Variants in AP3B1 observed in about 807,000 individuals in gnomAD.
The protein encoded by AP3B1 is adaptor related protein complex 3 subunit beta 1, also known as AP-3 complex subunit beta-1.
A neutral mutation model predicts 132.5 loss-of-function variants in AP3B1; 61 were observed. That is an observed-to-expected ratio of 0.46 (90% CI 0.37 to 0.57). AP3B1 has a LOEUF of 0.57. AP3B1 is among the 20% of genes least tolerant of loss of function. The pLI is 0.00. For missense variants in AP3B1, 1,120 were observed against 1,289.4 expected, an observed-to-expected ratio of 0.87 and a Z score of 2.01; for synonymous variants, 388 against 438.3, an observed-to-expected ratio of 0.89 and a Z score of 1.43.
intron 26 of AP3B1, among the ~76,000 whole-genome samples, chr5:78,006,374 C>T (rs999049865): frequency 6.6e-6 from 1 of 152,162 alleles, no homozygotes; most frequent in African/African-American, 2.4e-5. Context: ...ACCTAATATA[C>T]ACATAATCTA....
At chr5:78,063,175 A>G (rs1749132268) in intron 22 of AP3B1, among the ~76,000 whole-genome samples, 1 of 152,202 alleles carries the variant, frequency 6.6e-6, no homozygotes, top group African/African-American at 2.4e-5. Context: ...GTTTCCCACA[A>G]TGTATACATA....
chr5:78,062,628 A>C (rs550575183), intron 22 of AP3B1, among the ~76,000 whole-genome samples: 4 of 152,364 alleles, frequency 2.6e-5, no homozygotes, highest in Admixed American at 6.5e-5. Flanking sequence ...TAAAAATTTC[A>C]CTAGGCAACA....
intron 22 of AP3B1, among the ~76,000 whole-genome samples, chr5:78,079,940 C>A (rs1749919676): frequency 6.6e-6 from 1 of 152,184 alleles, no homozygotes; most frequent in African/African-American, 2.4e-5. Context: ...TGTATGCATC[C>A]ATCAATTAAA....
chr5:78,092,498 G>A (rs151204524), intron 21 of AP3B1, among the ~76,000 whole-genome samples: 55 of 152,252 alleles, frequency 3.6e-4, no homozygotes, highest in African/African-American at 1.3e-3. Context: ...TAAAAAAAAT[G>A]TCATAGTATA....
intron 7 of AP3B1, among the ~76,000 whole-genome samples, chr5:78,209,807 T>C (rs1745659518): frequency 6.6e-6 from 1 of 152,222 alleles, no homozygotes; most frequent in Admixed American, 6.5e-5. Context: ...TCATAAGCCT[T>C]GTAGTACTAT....
rs570240439 is a variant in AP3B1 at position 78,202,134 on chromosome 5, T to C, written c.786+13921A>G. Among the ~76,000 whole-genome samples the C allele has an allele frequency of 1.5e-4, 23 of 152,350 alleles. No individual in the cohort carries two copies. The South Asian group carries it at 2.5e-3, about 16-fold the overall frequency. ...ATGGTTCTAAAAAGGGGAGTTTCCCTGCACAAGCTCTCTCTTCTCTTGTCT... is the reference window on the plus strand; with the variant it reads ...ATGGTTCTAAAAAGGGGAGTTTCCCCGCACAAGCTCTCTCTTCTCTTGTCT... On this transcript the variant is annotated intron_variant, in intron 7 of 26. Transcript: ENST00000255194.
chr5:78,180,905 A>G (rs1744337857), intron 8 of AP3B1, among the ~76,000 whole-genome samples: 1 of 151,958 alleles, frequency 6.6e-6, no homozygotes, highest in African/African-American at 2.4e-5. Flanking sequence ...CTTCTAAAAT[A>G]TAAATGGTTA....
At chr5:78,121,079 G>A (rs956001059) in intron 17 of AP3B1, among the ~76,000 whole-genome samples, 13 of 152,234 alleles carry the variant, frequency 8.5e-5, no homozygotes, top group Admixed American at 2.0e-4. Flanking sequence ...TGAACAACCT[G>A]CTCCTGAATG....
intron 2 of AP3B1, among the ~76,000 whole-genome samples, chr5:78,265,541 G>T (rs1748287664): frequency 6.6e-6 from 1 of 152,172 alleles, no homozygotes. Context: ...TACTGAGGAA[G>T]AATCTTTCGT....
At chr5:78,167,658 CAT>C (rs1196280874) in intron 11 of AP3B1, among the ~76,000 whole-genome samples, 11 of 151,814 alleles carry the variant, frequency 7.2e-5, no homozygotes, top group South Asian at 2.1e-4. Flanking sequence ...CACACACACA[CAT>C]ACACACCATG....
chr5:78,265,362 G>A (rs572481274), intron 2 of AP3B1, among the ~76,000 whole-genome samples: 2 of 152,200 alleles, frequency 1.3e-5, no homozygotes, highest in African/African-American at 2.4e-5. Context: ...AGGATCGCTT[G>A]GGCTCAGGAG....
At chr5:78,020,505 T>G (rs563080558) in intron 25 of AP3B1, among the ~76,000 whole-genome samples, 187 bp downstream of exon 25, 1 of 152,238 alleles carries the variant, frequency 6.6e-6, no homozygotes, top group South Asian at 2.1e-4. Flanking sequence ...TTTTCAAGTA[T>G]GCCAGGAATA....
intron 22 of AP3B1, among the ~76,000 whole-genome samples, chr5:78,048,511 T>C (rs996869934): frequency 1.3e-5 from 2 of 152,294 alleles, no homozygotes; most frequent in African/African-American, 2.4e-5. Context: ...GTTCCTTTCC[T>C]AGGATTTTTG....
chr5:78,071,643 T>C (rs560971642), intron 22 of AP3B1, among the ~76,000 whole-genome samples: 2 of 152,344 alleles, frequency 1.3e-5, no homozygotes, highest in South Asian at 4.1e-4. Context: ...GGTTCTATAC[T>C]GATGACTCTG....
chr5:78,274,805 A>G (rs1748701753), intron 1 of AP3B1, among the ~76,000 whole-genome samples: 1 of 152,134 alleles, frequency 6.6e-6, no homozygotes, highest in Non-Finnish European at 1.5e-5. Flanking sequence ...GTGCACCTAT[A>G]ATCCTAGCTA....
intron 3 of AP3B1, among the ~76,000 whole-genome samples, chr5:78,237,699 G>A (rs1193540322): frequency 6.6e-6 from 1 of 152,112 alleles, no homozygotes; most frequent in Admixed American, 6.6e-5. Flanking sequence ...TGTAATCCCA[G>A]CTGCTCGGGA....
chr5:78,277,925 T>A (rs1052378676), intron 1 of AP3B1, among the ~76,000 whole-genome samples: 1 of 142,000 alleles, frequency 7.0e-6, no homozygotes, highest in African/African-American at 2.5e-5. Context: ...TCACAGGACA[T>A]CTTCATATTT....
rs571342078 is a variant in AP3B1, at chr5:78,050,627, TA to T, written c.2578-11354del. The stretch of plus-strand genomic sequence containing the variant: ...TGAACAAATAAAGAAGTACATTTCT[TA>T]AATGCACAAAGAACAGCTTATTGAG... On this transcript the variant is annotated intron_variant, in intron 22 of 26. Coordinates refer to ENST00000255194, the MANE Select transcript of AP3B1 (RefSeq NM_003664.5). 2.6e-5 allele frequency among the ~76,000 whole-genome samples: 4 copies of T among 152,322 alleles called. No homozygotes were observed. In the East Asian group the frequency reaches 7.7e-4, roughly 29 times the overall value.
intron 7 of AP3B1, among the ~76,000 whole-genome samples, chr5:78,184,652 A>G (rs1027745390): frequency 6.7e-6 from 1 of 149,870 alleles, no homozygotes; most frequent in African/African-American, 2.5e-5. Flanking sequence ...TGGCCACTGC[A>G]CTCCAGCCTG....
Sources: gnomAD v4.1 joint callset for allele counts (sites outside exome capture counted in the v4.1 genomes callset) on GRCh38, gnomAD v4.1.1 for gene constraint, MANE v1.5 for transcripts, NCBI Gene and HGNC (gene_info 2026-07-23, HGNC 2026-07-21) for gene names.